The following GRID2 variants were observed in gnomAD, a reference collection of about 807,000 sequenced individuals.
GRID2 encodes glutamate ionotropic receptor delta type subunit 2, also known as glutamate receptor ionotropic, delta-2.
GRID2 carries 33 observed loss-of-function variants against 114.8 expected under a neutral mutation model. That is an observed-to-expected ratio of 0.29 (90% CI 0.22 to 0.38). The LOEUF (loss-of-function observed/expected upper bound fraction) is 0.38. Ranked by LOEUF, GRID2 falls within the 10% of genes least tolerant of loss-of-function variation. The probability of loss-of-function intolerance (pLI) is 1.00; values close to 1 mark genes in which losing one functional copy is unlikely to be tolerated. For synonymous variants in GRID2, 505 were observed against 449.9 expected (o/e 1.12, Z -1.55); for missense variants, 1,184 against 1,257.7 (o/e 0.94, Z 0.89).
chr4:92,918,031 C>A (rs1227391504), intron 2 of GRID2, among the ~76,000 whole-genome samples: 2 of 152,152 alleles, frequency 1.3e-5, no homozygotes, highest in Non-Finnish European at 2.9e-5. Context: ...TTTCATTGAG[C>A]ACTGGTTTGT....
intron 1 of GRID2, among the ~76,000 whole-genome samples, chr4:93,787,811 A>G (rs1734622529): frequency 6.6e-6 from 1 of 152,232 alleles, no homozygotes; most frequent in African/African-American, 2.4e-5. Context: ...AAGTGGAAAT[A>G]CATTCATGTA....
chr4:93,244,929 C>A (rs1748030679), intron 8 of GRID2, among the ~76,000 whole-genome samples: 2 of 151,660 alleles, frequency 1.3e-5, no homozygotes, highest in South Asian at 4.2e-4. Flanking sequence ...TAATATAAAA[C>A]CCAGTTGTAA....
intron 2 of GRID2, among the ~76,000 whole-genome samples, chr4:92,980,262 T>C (rs1408739886): frequency 6.6e-6 from 1 of 152,060 alleles, no homozygotes; most frequent in Non-Finnish European, 1.5e-5. Flanking sequence ...ATTAAGTCTA[T>C]GTAAACATAG....
rs552515032 is a variant in GRID2 at position 92,854,954 on chromosome 4, C to T, written c.245-230041C>T. On this transcript the variant is annotated intron_variant, in intron 2 of 15. Transcript: ENST00000282020. ...AGGAAATAATATTTTGTGTTTTCTA[C>T]ATCTGGTTTAAAGGATAAAAATTCA... Among the ~76,000 whole-genome samples, 8 of 152,156 alleles carry T rather than the reference C, an allele frequency of 5.3e-5. No individual in the cohort carries two copies. In the South Asian group the frequency reaches 1.5e-3, roughly 28 times the overall value.
chr4:92,769,674 A>G (rs1377383584), intron 2 of GRID2, among the ~76,000 whole-genome samples: 1 of 152,162 alleles, frequency 6.6e-6, no homozygotes, highest in African/African-American at 2.4e-5. Context: ...TCAACACCAC[A>G]TGGAGGCTGC....
At chr4:93,572,298 A>ATTT (rs1309372025) in intron 13 of GRID2, among the ~76,000 whole-genome samples, 1 of 152,178 alleles carries the variant, frequency 6.6e-6, no homozygotes. Context: ...GAAGCATTTC[A>ATTT]TTTAGCCTAT....
intron 9 of GRID2, among the ~76,000 whole-genome samples, chr4:93,406,409 T>C (rs1272290374): frequency 6.6e-6 from 1 of 152,186 alleles, no homozygotes; most frequent in African/African-American, 2.4e-5. Context: ...GTGAGAAAGC[T>C]GATGTGGTTG....
chr4:93,605,728 G>A (rs1740163052), intron 13 of GRID2, among the ~76,000 whole-genome samples: 1 of 152,168 alleles, frequency 6.6e-6, no homozygotes, highest in Non-Finnish European at 1.5e-5. Flanking sequence ...GATGATACTA[G>A]CATGAAAAGC....
chr4:92,858,141 G>A (rs2149431547), intron 2 of GRID2, among the ~76,000 whole-genome samples: 1 of 152,306 alleles, frequency 6.6e-6, no homozygotes, highest in Non-Finnish European at 1.5e-5. Flanking sequence ...TGATGGAGTT[G>A]TATGAGGAGA....
intron 2 of GRID2, among the ~76,000 whole-genome samples, chr4:92,688,259 A>C (rs1166970853): frequency 6.6e-6 from 1 of 151,052 alleles, no homozygotes; most frequent in Admixed American, 6.6e-5. Flanking sequence ...TATTTTGGCC[A>C]GGCTGGTCTC....
intron 1 of GRID2, among the ~76,000 whole-genome samples, chr4:92,534,777 T>C (rs1322385395): frequency 6.6e-6 from 1 of 152,154 alleles, no homozygotes; most frequent in Non-Finnish European, 1.5e-5. Flanking sequence ...TGGCTTTGAT[T>C]TCAACATTAT....
At chr4:92,769,681 C>A (rs867936849) in intron 2 of GRID2, among the ~76,000 whole-genome samples, 1 of 152,146 alleles carries the variant, frequency 6.6e-6, no homozygotes, top group South Asian at 2.1e-4. Flanking sequence ...CACATGGAGG[C>A]TGCCAAGGCT....
intron 1 of GRID2, among the ~76,000 whole-genome samples, chr4:92,476,294 G>C (rs922229479): frequency 3.9e-5 from 6 of 152,090 alleles, no homozygotes; most frequent in African/African-American, 1.4e-4. Flanking sequence ...CAAAGTGCTG[G>C]AATTATAGGC....
intron 4 of GRID2, among the ~76,000 whole-genome samples, chr4:93,194,866 G>A (rs548767050): frequency 6.6e-6 from 1 of 152,088 alleles, no homozygotes; most frequent in Non-Finnish European, 1.5e-5. Flanking sequence ...ATTGGGGTAG[G>A]CCCAGCAATC....
rs527770693 is a variant in GRID2, at chr4:92,975,156, C to CAAAAAAAAAAAAAAAAAAAAAAAAA, written c.245-109818_245-109817insAAAAAAAAAAAAAAAAAAAAAAAAA. ...TGGGCGACAGAGTGAGATTCCGCCT[C>CAAAAAAAAAAAAAAAAAAAAAAAAA]AAAAAAAAAAAAAAAAAAAAAGGTG... On this transcript the variant is annotated intron_variant, in intron 2 of 15. Coordinates refer to ENST00000282020, the MANE Select transcript of GRID2 (RefSeq NM_001510.4). Among the ~76,000 whole-genome samples, 31 of 46,682 alleles carry CAAAAAAAAAAAAAAAAAAAAAAAAA rather than the reference C, an allele frequency of 6.6e-4. 4 individuals are homozygous for CAAAAAAAAAAAAAAAAAAAAAAAAA. Among genetic ancestry groups the CAAAAAAAAAAAAAAAAAAAAAAAAA allele is most frequent in the African/African-American group, 8.8e-4 (9 of 10,198 alleles). 30.6% of individuals were successfully genotyped at this position (46,682 alleles called of 152,430 possible).
At chr4:93,257,492 T>C (rs944679925) in intron 8 of GRID2, among the ~76,000 whole-genome samples, 21 of 151,684 alleles carry the variant, frequency 1.4e-4, no homozygotes, top group Non-Finnish European at 3.0e-4. Context: ...ATTTTCCTTA[T>C]ACAGACTATT....
intron 2 of GRID2, among the ~76,000 whole-genome samples, chr4:93,001,489 T>C (rs939772004): frequency 6.6e-6 from 1 of 151,748 alleles, no homozygotes; most frequent in African/African-American, 2.4e-5. Flanking sequence ...AACTTGCTAC[T>C]TATAGGAATA....
chr4:93,628,580 G>A (rs1232717796), intron 14 of GRID2, among the ~76,000 whole-genome samples: 2 of 152,058 alleles, frequency 1.3e-5, no homozygotes, highest in Admixed American at 1.3e-4. Context: ...TTAGTTGTGA[G>A]GATGGAAAAG....
chr4:92,496,891 A>C (rs1265478462), intron 1 of GRID2, among the ~76,000 whole-genome samples: 2 of 151,724 alleles, frequency 1.3e-5, no homozygotes. Flanking sequence ...TACTTAATTT[A>C]TACACTTTCA....
Sources: allele counts gnomAD v4.1 joint callset (sites outside exome capture counted in the v4.1 genomes callset), GRCh38; gene constraint gnomAD v4.1.1; transcripts MANE v1.5; gene names NCBI Gene and HGNC (gene_info 2026-07-23, HGNC 2026-07-21).